Variants in RAD54L2 observed in about 807,000 individuals in gnomAD.
RAD54L2 encodes RAD54 like 2.
Under a neutral mutation model 138.4 loss-of-function variants are expected in RAD54L2, and 27 were observed. That is an observed-to-expected ratio of 0.20 (90% CI 0.14 to 0.27). The LOEUF is 0.27. Among genes scored for constraint, RAD54L2 ranks in the 10% least tolerant of loss-of-function variants. The probability of loss-of-function intolerance (pLI) is 1.00; values close to 1 mark genes in which losing one functional copy is unlikely to be tolerated. For missense variants in RAD54L2, 1,396 were observed against 1,890.2 expected (o/e 0.74, Z 4.85); for synonymous variants, 644 against 723.2 (o/e 0.89, Z 1.76).
At position 51,660,097 on chromosome 3, in the gene RAD54L2, G is replaced by A. The variant is rs776785373; in HGVS notation, c.3388G>A (p.Asp1130Asn). The A allele has an allele frequency of 6.2e-6, 10 of 1,600,676 alleles. No homozygotes were observed. The South Asian group carries it at 1.1e-4, about 18-fold the overall frequency. ...AACTGGCAAACCAAAGGTTCCTGAAGATGGTCGGATGGCTGCCTCAGGTGT... is the reference window on the plus strand; with the variant it reads ...AACTGGCAAACCAAAGGTTCCTGAAAATGGTCGGATGGCTGCCTCAGGTGT... ...RATGKPKVPE[D>N]GRMAASGSQG... Residue 1130 changes from aspartate to asparagine, a missense_variant, in exon 22 of 23, where the codon GAT becomes AAT. Transcript: ENST00000684192.
intron 2 of RAD54L2, among the ~76,000 whole-genome samples, chr3:51,549,470 G>A (rs1349699010): frequency 3.3e-5 from 5 of 152,032 alleles, no homozygotes; most frequent in African/African-American, 4.8e-5. Flanking sequence ...TATAGAAATC[G>A]GGAGAAAAAG....
chr3:51,630,712 T>C lies in RAD54L2; in HGVS notation c.606T>C (p.Ile202=). 1 of 1,613,766 alleles carries C rather than the reference T, an allele frequency of 6.2e-7. No individual in the cohort carries two copies. ...TTTTTTTTGCTGTCTCAGAGGTGAT[T>C]GAACTGAGCTCTGGAGAGGAGGACA... ...EDEKSSRDEV[I]ELSSGEEDTL... The change falls in exon 7 of 23, where the codon ATT becomes ATC. Residue 202 remains isoleucine (I), a synonymous_variant. Transcript: ENST00000684192.
chr3:51,583,419 CTTTTTTTTTAT>C (rs1233065848), intron 2 of RAD54L2, among the ~76,000 whole-genome samples: 3 of 150,068 alleles, frequency 2.0e-5, no homozygotes, highest in African/African-American at 7.3e-5. Context: ...GTGGTAGCTT[CTTTTTTTTTAT>C]TTTTTTTTTT....
Position 51,646,418 on chromosome 3 carries a change from C to T in RAD54L2, c.2963C>T (p.Ala988Val), listed in dbSNP as rs370392608. Residue 988 changes from alanine to valine, a missense_variant, in exon 19 of 23, where the codon GCG becomes GTG. By Grantham distance (64) the Ala-to-Val change is moderately conservative. Transcript: ENST00000684192. ...TSVPYTRPSY[A>V]QYYPASDQSL... is the part of the protein sequence containing the mutation. Reference sequence around the variant, plus strand: ...GTCCCCTATACCCGCCCATCGTATGCGCAGTATTACCCTGCCAGCGATCAG... The same window carrying T: ...GTCCCCTATACCCGCCCATCGTATGTGCAGTATTACCCTGCCAGCGATCAG... 2.7e-5 allele frequency: 43 copies of T among 1,613,682 alleles called. No individual in the cohort carries two copies. Among genetic ancestry groups the T allele is most frequent in the Non-Finnish European group, 3.2e-5 (38 of 1,179,810 alleles).
chr3:51,608,327 A>G (rs1380613209), intron 3 of RAD54L2, among the ~76,000 whole-genome samples: 1 of 141,528 alleles, frequency 7.1e-6, no homozygotes, highest in Non-Finnish European at 1.5e-5. Flanking sequence ...GGAAGAGGCA[A>G]TCCTCACTTC....
chr3:51,554,099 T>C lies in RAD54L2; in HGVS notation c.-55+12449T>C, dbSNP rs544272349. Among the ~76,000 whole-genome samples the C allele has an allele frequency of 1.1e-4, 16 of 152,238 alleles. No individual in the cohort carries two copies. The East Asian group carries it at 2.7e-3, about 26-fold the overall frequency. On this transcript the variant is annotated intron_variant, in intron 2 of 22. Transcript: ENST00000684192. ...CTCAAAATAAGACAACAGTGAAATTTGCTGCATCGATCAACTTTTCCTATC... is the reference window on the plus strand; with the variant it reads ...CTCAAAATAAGACAACAGTGAAATTCGCTGCATCGATCAACTTTTCCTATC...
chr3:51,627,660 G>A lies in RAD54L2; in HGVS notation c.247G>A (p.Glu83Lys). The change falls in exon 4 of 23, where the codon GAG (glutamate) becomes AAG (lysine). Residue 83 changes from glutamate to lysine, a missense_variant. Transcript: ENST00000684192. ...TACCTCATCTCAGTCTGAGCCTTCA[G>A]AGCAGCTTAGGCGCCACCAAGGCAA... ...STTSSQSEPS[E>K]QLRRHQGKNL... The A allele has an allele frequency of 1.2e-6, 2 of 1,607,562 alleles. No homozygotes were observed. Among genetic ancestry groups the A allele is most frequent in the Non-Finnish European group, 1.7e-6 (2 of 1,177,156 alleles).
At chr3:51,617,043 G>A (rs1700460923) in intron 3 of RAD54L2, among the ~76,000 whole-genome samples, 2 of 152,132 alleles carry the variant, frequency 1.3e-5, no homozygotes. Flanking sequence ...CATCTGTGTT[G>A]TTGCACGTGT....
At chr3:51,583,316 C>G (rs1699647202) in intron 2 of RAD54L2, among the ~76,000 whole-genome samples, 1 of 152,110 alleles carries the variant, frequency 6.6e-6, no homozygotes, top group Non-Finnish European at 1.5e-5. Context: ...ACGAGCCTCA[C>G]ACAGAAATGT....
At chr3:51,644,931 G>T (rs1701235820) in intron 16 of RAD54L2, 93 bp from the exon 17 acceptor site, 1 of 1,263,586 alleles carries the variant, frequency 7.9e-7, no homozygotes, top group Non-Finnish European at 1.1e-6. Context: ...TTAGGACAGA[G>T]TAATATTGGG....
rs1415708114 is a variant in RAD54L2 at position 51,629,596 on chromosome 3, C to T, written c.481+123C>T. 4.6e-5 allele frequency: 57 copies of T among 1,236,220 alleles called. 1 individual carries two copies. Among genetic ancestry groups the T allele is most frequent in the South Asian group, 2.2e-4 (14 of 62,838 alleles). The allele number at this position is 1,236,220 out of a possible 1,614,324, so 76.6% of individuals were successfully genotyped here. ...CCTCTCGGCTGGGCGCGGTGGCTCA[C>T]GCCTGTAATCCCAGCATTATGGGAG... On this transcript the variant is annotated intron_variant, in intron 5 of 22. Coordinates refer to ENST00000684192, the MANE Select transcript of RAD54L2 (RefSeq NM_015106.4).
intron 2 of RAD54L2, among the ~76,000 whole-genome samples, chr3:51,577,809 C>G (rs1285070016): frequency 6.6e-6 from 1 of 152,140 alleles, no homozygotes; most frequent in Non-Finnish European, 1.5e-5. Flanking sequence ...AACCTGGTAC[C>G]TCAGTTGGAA....
In RAD54L2 at chr3:51,663,888, C is replaced by G. The variant is rs1414130311; in HGVS notation, c.*468C>G. 1 of 162,844 alleles carries G rather than the reference C, an allele frequency of 6.1e-6. No homozygotes were observed. Among genetic ancestry groups the G allele is most frequent in the African/African-American group, 2.5e-5 (1 of 40,746 alleles). The allele number at this position is 162,844 out of a possible 1,614,324, so 10.1% of individuals were successfully genotyped here. On this transcript the variant is annotated 3_prime_UTR_variant, in exon 23 of 23. Coordinates refer to ENST00000684192, the MANE Select transcript of RAD54L2 (RefSeq NM_015106.4). ...GTGGGTAGGGGGAGCAGACTGTGAT[C>G]CCATGTGAAGTGGGGTCTTTTTAGG... is the stretch of plus-strand genomic sequence containing the variant.
chr3:51,564,479 G>A (rs1699167773), intron 2 of RAD54L2, among the ~76,000 whole-genome samples: 1 of 152,184 alleles, frequency 6.6e-6, no homozygotes, highest in African/African-American at 2.4e-5. Flanking sequence ...TGTTAGGAAT[G>A]GAGAGACTGG....
intron 3 of RAD54L2, among the ~76,000 whole-genome samples, chr3:51,595,017 A>G (rs1699931250): frequency 6.6e-6 from 1 of 151,664 alleles, no homozygotes; most frequent in Admixed American, 6.6e-5. Context: ...GGCACGCGCC[A>G]CCACATCCTG....
At chr3:51,593,177 G>A (rs915451217) in intron 3 of RAD54L2, among the ~76,000 whole-genome samples, 1 of 151,992 alleles carries the variant, frequency 6.6e-6, no homozygotes, top group Non-Finnish European at 1.5e-5. Flanking sequence ...GGATGCTACT[G>A]TCATCTTGTG....
chr3:51,561,606 C>T (rs918034799), intron 2 of RAD54L2, among the ~76,000 whole-genome samples: 1 of 151,626 alleles, frequency 6.6e-6, no homozygotes, highest in Admixed American at 6.6e-5. Context: ...CTTTTGCCCA[C>T]CCTGGAGTGC....
At chr3:51,655,048 T>C (rs1701561093) in intron 19 of RAD54L2, among the ~76,000 whole-genome samples, 1 of 151,816 alleles carries the variant, frequency 6.6e-6, no homozygotes, top group Non-Finnish European at 1.5e-5. Context: ...AACTTGGAGG[T>C]CCACAGGGAC....
intron 3 of RAD54L2, among the ~76,000 whole-genome samples, chr3:51,617,847 C>A (rs1559638457): frequency 6.6e-6 from 1 of 152,196 alleles, no homozygotes; most frequent in Non-Finnish European, 1.5e-5. Context: ...TGTGCCACAG[C>A]ACTTCAACTC....
Sources: allele counts gnomAD v4.1 joint callset (sites outside exome capture counted in the v4.1 genomes callset), GRCh38; gene constraint gnomAD v4.1.1; transcripts MANE v1.5; gene names NCBI Gene and HGNC (gene_info 2026-07-23, HGNC 2026-07-21).